Variants in IQCM observed in about 807,000 individuals in gnomAD.
IQCM encodes the protein IQ motif containing M.
Under a neutral mutation model 57.6 loss-of-function variants are expected in IQCM, and 45 were observed. That is an observed-to-expected ratio of 0.78 (90% CI 0.62 to 1.00). IQCM has a LOEUF of 1.00. Ranked by LOEUF, IQCM falls within the 50% of genes least tolerant of loss-of-function variation. The probability of loss-of-function intolerance (pLI) is 0.00; values close to 1 mark genes in which losing one functional copy is unlikely to be tolerated. For missense variants in IQCM, 468 were observed against 511.6 expected, an observed-to-expected ratio of 0.91 and a Z score of 0.82; for synonymous variants, 148 against 158.9, an observed-to-expected ratio of 0.93 and a Z score of 0.51.
At chr4:149,557,589 T>A (rs919260217) in intron 10 of IQCM, among the ~76,000 whole-genome samples, 1 of 152,260 alleles carries the variant, frequency 6.6e-6, no homozygotes, top group East Asian at 1.9e-4. Context: ...TCTAAATGCT[T>A]ACTCTCACCA....
intron 7 of IQCM, among the ~76,000 whole-genome samples, chr4:149,662,029 T>G (rs994945698): frequency 2.6e-5 from 4 of 152,072 alleles, no homozygotes; most frequent in African/African-American, 9.7e-5. Context: ...CAGTGCATTA[T>G]CATGTTGTTT....
chr4:149,593,071 G>A (rs897109059), intron 8 of IQCM, among the ~76,000 whole-genome samples: 2 of 152,076 alleles, frequency 1.3e-5, no homozygotes, highest in African/African-American at 4.8e-5. Context: ...TCACGATATT[G>A]GTTCTTCCTA....
chr4:149,406,760 A>T (rs998890793), intron 13 of IQCM, among the ~76,000 whole-genome samples: 7 of 152,314 alleles, frequency 4.6e-5, no homozygotes, highest in African/African-American at 1.7e-4. Flanking sequence ...ACTTTTCAAA[A>T]ATCTGAGGTA....
chr4:149,379,213 G>A (rs555750390), intron 13 of IQCM, among the ~76,000 whole-genome samples: 8 of 152,240 alleles, frequency 5.3e-5, no homozygotes, highest in Non-Finnish European at 1.0e-4. Flanking sequence ...CAGTGCAGTA[G>A]GGAAATGTGG....
intron 13 of IQCM, among the ~76,000 whole-genome samples, chr4:149,352,717 T>A (rs1728663564): frequency 6.6e-6 from 1 of 152,236 alleles, no homozygotes; most frequent in Non-Finnish European, 1.5e-5. Flanking sequence ...TGACTTTTTT[T>A]ACATTAAAGT....
intron 7 of IQCM, among the ~76,000 whole-genome samples, chr4:149,636,574 C>T (rs1044479746): frequency 2.0e-5 from 3 of 152,114 alleles, no homozygotes; most frequent in Admixed American, 2.0e-4. Flanking sequence ...AGAAAAGCCA[C>T]ACATGCCCCA....
chr4:149,680,233 C>A (rs891304778), intron 7 of IQCM, among the ~76,000 whole-genome samples: 4 of 151,338 alleles, frequency 2.6e-5, no homozygotes, highest in Non-Finnish European at 5.9e-5. Context: ...AAACTTTTTA[C>A]TTTTTCAGCA....
chr4:149,406,571 A>G (rs972260000), intron 13 of IQCM, among the ~76,000 whole-genome samples: 1 of 152,146 alleles, frequency 6.6e-6, no homozygotes, highest in Non-Finnish European at 1.5e-5. Flanking sequence ...GGTCCTAGTA[A>G]GGACTTTAGT....
At chr4:149,525,628 C>T (rs1425566093) in intron 12 of IQCM, among the ~76,000 whole-genome samples, 2 of 151,644 alleles carry the variant, frequency 1.3e-5, no homozygotes, top group Non-Finnish European at 3.0e-5. Context: ...GATATAAGTT[C>T]CAGATGTATT....
In IQCM at chr4:149,518,892, G is replaced by A. The variant is rs549141333; in HGVS notation, c.1228+29563C>T. Among the ~76,000 whole-genome samples, 33 of 152,308 alleles carry A rather than the reference G, an allele frequency of 2.2e-4. 1 individual carries two copies. In the South Asian group the frequency reaches 4.6e-3, roughly 21 times the overall value. ...AGAAAGCAACAAGGGAGGCACTCTT[G>A]AAGAGTTCCTACACTTAGGGAAGAG... On this transcript the variant is annotated intron_variant, in intron 12 of 13. Coordinates refer to ENST00000636793, the MANE Select transcript of IQCM (RefSeq NM_001363507.2).
chr4:149,783,807 C>A (rs940757266), intron 2 of IQCM, among the ~76,000 whole-genome samples: 1 of 152,188 alleles, frequency 6.6e-6, no homozygotes, highest in African/African-American at 2.4e-5. Flanking sequence ...AGAGCTTCAA[C>A]AGCATCTAGA....
chr4:149,383,714 G>A (rs1462529410), intron 13 of IQCM, among the ~76,000 whole-genome samples: 1 of 152,118 alleles, frequency 6.6e-6, no homozygotes, highest in Middle Eastern at 3.2e-3. Context: ...AGCACTTTGG[G>A]AGGCTGAGGG....
chr4:149,597,739 G>A (rs1753913307), intron 8 of IQCM, among the ~76,000 whole-genome samples: 1 of 152,102 alleles, frequency 6.6e-6, no homozygotes, highest in Non-Finnish European at 1.5e-5. Context: ...AATTATAGAA[G>A]ACAGACAGTA....
At chr4:149,354,764 T>A (rs1728841091) in intron 13 of IQCM, among the ~76,000 whole-genome samples, 1 of 152,150 alleles carries the variant, frequency 6.6e-6, no homozygotes, top group Admixed American at 6.6e-5. Context: ...GGGGATAATA[T>A]ATATCTTGTC....
chr4:149,546,064 C>T (rs1331092696), intron 12 of IQCM, among the ~76,000 whole-genome samples: 20 of 152,170 alleles, frequency 1.3e-4, no homozygotes, highest in South Asian at 4.1e-4. Flanking sequence ...TGAGAACATG[C>T]GGTGTTTGGT....
At chr4:149,401,080 T>C (rs1219334768) in intron 13 of IQCM, among the ~76,000 whole-genome samples, 1 of 151,752 alleles carries the variant, frequency 6.6e-6, no homozygotes, top group Non-Finnish European at 1.5e-5. Flanking sequence ...TTTAGATCTT[T>C]CTAGCTGTGC....
At chr4:149,356,055 T>C (rs1728952690) in intron 13 of IQCM, among the ~76,000 whole-genome samples, 1 of 152,244 alleles carries the variant, frequency 6.6e-6, no homozygotes, top group Non-Finnish European at 1.5e-5. Flanking sequence ...TTGAGAAATC[T>C]CTGTTCATAT....
intron 7 of IQCM, among the ~76,000 whole-genome samples, chr4:149,671,132 G>A (rs1761239826): frequency 1.3e-5 from 2 of 151,856 alleles, no homozygotes; most frequent in Non-Finnish European, 2.9e-5. Flanking sequence ...CTTTTTGGTT[G>A]GTAGGCTATT....
chr4:149,531,875 C>A (rs919114606), intron 12 of IQCM, among the ~76,000 whole-genome samples: 3 of 152,000 alleles, frequency 2.0e-5, no homozygotes, highest in African/African-American at 7.2e-5. Flanking sequence ...TGACTCATAA[C>A]AGACACTGGC....
Sources: allele counts gnomAD v4.1 joint callset (sites outside exome capture counted in the v4.1 genomes callset), GRCh38; gene constraint gnomAD v4.1.1; transcripts MANE v1.5; gene names NCBI Gene and HGNC (gene_info 2026-07-23, HGNC 2026-07-21).